The following A2ML1 variants were observed in gnomAD, a reference collection of about 807,000 sequenced individuals.
A2ML1 encodes alpha-2-macroglobulin-like protein 1.
A2ML1 carries 161 observed loss-of-function variants against 181.9 expected under a neutral mutation model. The observed-to-expected ratio is 0.89, with a 90% CI of 0.78 to 1.01. The LOEUF (loss-of-function observed/expected upper bound fraction) is 1.01. Among genes scored for constraint, A2ML1 ranks in the 50% least tolerant of loss-of-function variants. A2ML1 has a pLI of 0.00. For missense variants in A2ML1, 1,670 were observed against 1,768.1 expected (o/e 0.94, Z 1.00); for synonymous variants, 663 against 666.8 (o/e 0.99, Z 0.09).
intron 9 of A2ML1, among the ~76,000 whole-genome samples, chr12:8,838,811 A>C (rs1164880297): frequency 6.8e-6 from 1 of 147,268 alleles, no homozygotes; most frequent in Non-Finnish European, 1.5e-5. Flanking sequence ...CTACTCGGGG[A>C]GGCTGAGGCA....
intron 24 of A2ML1, 52 bp from the exon 25 acceptor site, chr12:8,857,455 G>A (rs1944108402): frequency 1.2e-6 from 2 of 1,608,962 alleles, no homozygotes; most frequent in Admixed American, 3.4e-5. Context: ...AACGGCATGG[G>A]GGTGTTTTCT....
At chr12:8,863,714 T>C (rs1451796804) in intron 28 of A2ML1, 80 bp from the exon 29 acceptor site, 1 of 1,427,714 alleles carries the variant, frequency 7.0e-7, no homozygotes, top group Non-Finnish European at 9.8e-7. Flanking sequence ...TACTCTGCTC[T>C]AAGATGCTGC....
chr12:8,823,896 A>G lies in A2ML1; in HGVS notation c.409+14A>G. 1 of 1,603,230 alleles carries G rather than the reference A, an allele frequency of 6.2e-7. No homozygotes were observed. The highest frequency in any genetic ancestry group is 1.3e-5 in the African/African-American group (1 of 74,760). On this transcript the variant is annotated intron_variant, in intron 3 of 35. Coordinates refer to ENST00000299698, the MANE Select transcript of A2ML1 (RefSeq NM_144670.6). ...CAGGGCAGCAAGGTAAGAGTCACAT[A>G]TTTGGGGTTCGACTAAAACCTGGGG... is the stretch of plus-strand genomic sequence containing the variant.
chr12:8,857,040 C>A (rs778686931), intron 23 of A2ML1, 124 bp from the exon 24 acceptor site: 10 of 976,824 alleles, frequency 1.0e-5, no homozygotes, highest in African/African-American at 1.6e-5. Context: ...GCCACCACGC[C>A]CGGCCCATAG....
intron 33 of A2ML1, among the ~76,000 whole-genome samples, chr12:8,872,036 G>A (rs1944641624): frequency 6.6e-6 from 1 of 152,058 alleles, no homozygotes; most frequent in East Asian, 1.9e-4. Flanking sequence ...AAAGTTAGCT[G>A]GGCGTGGTGG....
intron 33 of A2ML1, 25 bp from the exon 34 acceptor site, chr12:8,874,400 A>G (rs781661259): frequency 6.5e-7 from 1 of 1,529,920 alleles, no homozygotes; most frequent in Non-Finnish European, 9.1e-7. Context: ...CTTCTAAGGT[A>G]CTGTTTCATC....
intron 35 of A2ML1, chr12:8,875,396 A>G: frequency 6.1e-6 from 1 of 164,112 alleles, no homozygotes; most frequent in Non-Finnish European, 1.3e-5. Flanking sequence ...GTCTTTTGGA[A>G]GCTATTGTTG....
intron 23 of A2ML1, among the ~76,000 whole-genome samples, chr12:8,855,804 G>A (rs1373519887): frequency 1.3e-5 from 2 of 152,188 alleles, no homozygotes; most frequent in Non-Finnish European, 2.9e-5. Context: ...ATGGAAGAGA[G>A]TCAGGGTAGG....
In A2ML1 at chr12:8,847,654, A is replaced by G; in HGVS notation, c.1789A>G (p.Ser597Gly). ...GTGTGCGCTCCGGGCGGTGGATGAG[A>G]GTGTCTTACTGCTTAGGCCAGACAG... ...SLCALRAVDE[S>G]VLLLRPDREL... The change falls in exon 15 of 36, where the codon AGT becomes GGT. Residue 597 changes from serine (S) to glycine (G), a missense_variant. Transcript: ENST00000299698. 2.5e-6 allele frequency: 4 copies of G among 1,613,738 alleles called. No homozygotes were observed. Among genetic ancestry groups the G allele is most frequent in the Non-Finnish European group, 2.5e-6 (3 of 1,179,860 alleles).
At chr12:8,869,229 G>A in intron 33 of A2ML1, 26 bp downstream of exon 33, 1 of 1,610,466 alleles carries the variant, frequency 6.2e-7, no homozygotes, top group Non-Finnish European at 8.5e-7. Context: ...CCAGATCAAA[G>A]AGCTGGATTG....
chr12:8,832,511 T>C (rs1309766902), intron 4 of A2ML1, among the ~76,000 whole-genome samples: 3 of 152,222 alleles, frequency 2.0e-5, no homozygotes, highest in Admixed American at 6.5e-5. Flanking sequence ...TAGTCTGGCT[T>C]ACACCCAGGA....
chr12:8,858,033 G>C lies in A2ML1; in HGVS notation c.3195G>C (p.Trp1065Cys), dbSNP rs1433843106. 3 of 1,614,046 alleles carry C rather than the reference G, an allele frequency of 1.9e-6. No homozygotes were observed. The highest frequency in any genetic ancestry group is 2.2e-5 in the East Asian group (1 of 44,900). Reference sequence around the variant, plus strand: ...AGAACATCCAGGATGCTCTCAAGTGGATGGCAGGAAACCAGCTCCCCAGTG... The same window carrying C: ...AGAACATCCAGGATGCTCTCAAGTGCATGGCAGGAAACCAGCTCCCCAGTG... Reference protein sequence around the residue: ...DPKNIQDALKWMAGNQLPSGC... With the variant: ...DPKNIQDALKCMAGNQLPSGC... The change falls in exon 26 of 36, where the codon TGG (tryptophan) becomes TGC (cysteine). Residue 1065 changes from tryptophan to cysteine, a missense_variant. Transcript: ENST00000299698.
In A2ML1 at chr12:8,869,138, C is replaced by T; in HGVS notation, c.4156C>T (p.Leu1386Phe). Reference sequence around the variant, plus strand: ...TTTTTCTCCCTCTCTTATTCAGCTTCTCCAGCAACCCCTGGTGAAGAAGGT... The same window carrying T: ...TTTTTCTCCCTCTCTTATTCAGCTTTTCCAGCAACCCCTGGTGAAGAAGGT... ...SPMEGTNQLLLQQPLVKKVEF... is the reference protein window; with the variant it reads ...SPMEGTNQLLFQQPLVKKVEF... Residue 1386 changes from leucine (L) to phenylalanine (F), a missense_variant, in exon 33 of 36, where the codon CTC becomes TTC. Physicochemically the swap from Leu to Phe is conservative, Grantham distance 22 (BLOSUM62 0). Transcript: ENST00000299698. The T allele has an allele frequency of 6.2e-7, 1 of 1,614,082 alleles. No homozygotes were observed. Among genetic ancestry groups the T allele is most frequent in the Non-Finnish European group, 8.5e-7 (1 of 1,180,018 alleles).
chr12:8,857,412 G>T (rs1282864527), intron 24 of A2ML1, 72 bp downstream of exon 24: 12 of 1,607,744 alleles, frequency 7.5e-6, no homozygotes, highest in Non-Finnish European at 9.4e-6. Context: ...ATGATACAGG[G>T]AATTCCAGCC....
At position 8,822,685 on chromosome 12, in the gene A2ML1, C is replaced by G. The variant is rs1365173724; in HGVS notation, c.34C>G (p.Leu12Val). 5.6e-6 allele frequency: 9 copies of G among 1,614,056 alleles called. No individual in the cohort carries two copies. In the Admixed American group the frequency reaches 1.5e-4, roughly 27 times the overall value. The change falls in exon 1 of 36, where the codon CTA (leucine) becomes GTA (valine). Residue 12 changes from leucine to valine, a missense_variant. Coordinates refer to ENST00000299698, the MANE Select transcript of A2ML1 (RefSeq NM_144670.6). ...WAQLLLGMLA[L>V]SPAIAEELPN... ...TCAGCTCCTTCTAGGAATGTTGGCC[C>G]TATCACCAGCCATTGCAGAAGAACT...
chr12:8,825,485 T>G (rs1399142354), intron 3 of A2ML1, among the ~76,000 whole-genome samples: 3 of 152,316 alleles, frequency 2.0e-5, no homozygotes, highest in Non-Finnish European at 4.4e-5. Context: ...TCCTTATATA[T>G]TCTGGTTATT....
At position 8,850,294 on chromosome 12, in the gene A2ML1, T is replaced by C. The variant is rs1414902403; in HGVS notation, c.2234+20T>C. ...TATTGGGTAAGTGATGACTCAAAAG[T>C]ACAGTAAAGGGCCAGGTGCATGGCT... On this transcript the variant is annotated intron_variant, in intron 18 of 35. Transcript: ENST00000299698. 5 of 1,583,772 alleles carry C rather than the reference T, an allele frequency of 3.2e-6. No individual in the cohort carries two copies. The highest frequency in any genetic ancestry group is 4.3e-6 in the Non-Finnish European group (5 of 1,162,008).
At chr12:8,848,147 A>C (rs1031489247) in intron 15 of A2ML1, among the ~76,000 whole-genome samples, 1 of 151,246 alleles carries the variant, frequency 6.6e-6, no homozygotes, top group African/African-American at 2.4e-5. Flanking sequence ...AAAAAAAAAA[A>C]CAAAAACAAA....
At position 8,829,754 on chromosome 12, in the gene A2ML1, G is replaced by A; in HGVS notation, c.437G>A (p.Ser146Asn). 6.2e-7 allele frequency: 1 copy of A among 1,613,984 alleles called. No homozygotes were observed. The highest frequency in any genetic ancestry group is 8.5e-7 in the Non-Finnish European group (1 of 1,179,976). ...QVYFRIVTMD[S>N]NFVPVNDKYS... The stretch of plus-strand genomic sequence containing the variant: ...TATTTCCGCATTGTCACCATGGATA[G>A]CAACTTCGTTCCAGTGAATGACAAG... Residue 146 changes from serine (S) to asparagine (N), a missense_variant, in exon 4 of 36, where the codon AGC becomes AAC. Transcript: ENST00000299698.
Sources: allele counts gnomAD v4.1 joint callset (sites outside exome capture counted in the v4.1 genomes callset), GRCh38; gene constraint gnomAD v4.1.1; transcripts MANE v1.5; gene names NCBI Gene and HGNC (gene_info 2026-07-23, HGNC 2026-07-21).